The following NFATC1 variants were observed in gnomAD, a reference collection of about 807,000 sequenced individuals.
The protein encoded by NFATC1 is nuclear factor of activated T cells 1.
NFATC1 carries 22 observed loss-of-function variants against 76.0 expected under a neutral mutation model. That is an observed-to-expected ratio of 0.29 (90% CI 0.21 to 0.41). The LOEUF is 0.41. NFATC1 is among the 10% of genes least tolerant of loss of function. The probability of loss-of-function intolerance (pLI) is 1.00; values close to 1 mark genes in which losing one functional copy is unlikely to be tolerated. For missense variants in NFATC1, 1,357 were observed against 1,337.7 expected, an observed-to-expected ratio of 1.01 and a Z score of -0.23; for synonymous variants, 704 against 613.1, an observed-to-expected ratio of 1.15 and a Z score of -2.19.
intron 9 of NFATC1, among the ~76,000 whole-genome samples, chr18:79,511,793 G>A (rs1181048645): frequency 1.3e-5 from 2 of 152,150 alleles, no homozygotes; most frequent in African/African-American, 4.8e-5. Flanking sequence ...GAGGAGAGCT[G>A]CTGAAGCTCA....
chr18:79,468,256 C>G (rs866980779), intron 8 of NFATC1: 2 of 151,536 alleles, frequency 1.3e-5, no homozygotes, highest in Non-Finnish European at 2.9e-5. Context: ...TTTGTTTCTT[C>G]AGTCCCTGAA....
chr18:79,473,844 ACACT>A (rs1232790674), intron 8 of NFATC1, among the ~76,000 whole-genome samples: 262 of 130,410 alleles, frequency 2.0e-3, no homozygotes, highest in Middle Eastern at 6.0e-3. Flanking sequence ...GTGTGTTCTC[ACACT>A]CACTGTCAAC....
At chr18:79,486,222 TTTAA>T in intron 8 of NFATC1, 22 bp from the exon 9 acceptor site, 4 of 1,584,206 alleles carry the variant, frequency 2.5e-6, no homozygotes, top group Non-Finnish European at 3.4e-6. Flanking sequence ...CTTGTGTTTA[TTTAA>T]TTTTTTTTTT....
chr18:79,443,169 C>T (rs1024814192), intron 3 of NFATC1, among the ~76,000 whole-genome samples: 1 of 152,212 alleles, frequency 6.6e-6, no homozygotes, highest in Non-Finnish European at 1.5e-5. Context: ...GATCTGAACA[C>T]GATCTATGAA....
At chr18:79,429,080 G>A (rs1317094977) in intron 2 of NFATC1, among the ~76,000 whole-genome samples, 1 of 152,104 alleles carries the variant, frequency 6.6e-6, no homozygotes, top group African/African-American at 2.4e-5. Context: ...AAATTAGCCG[G>A]TGTGGTGGTG....
chr18:79,445,448 C>T (rs1258783902), intron 3 of NFATC1, among the ~76,000 whole-genome samples: 2 of 152,200 alleles, frequency 1.3e-5, no homozygotes, highest in Non-Finnish European at 2.9e-5. Context: ...TGGCCCCGGG[C>T]CCAGCCCTGA....
chr18:79,472,757 C>T (rs992292028), intron 8 of NFATC1, among the ~76,000 whole-genome samples: 3 of 152,216 alleles, frequency 2.0e-5, no homozygotes, highest in African/African-American at 7.2e-5. Flanking sequence ...CTTCCCTCAT[C>T]TGATCCTGCC....
intron 9 of NFATC1, among the ~76,000 whole-genome samples, chr18:79,506,202 C>T (rs2090117823): frequency 6.6e-6 from 1 of 152,142 alleles, no homozygotes; most frequent in Non-Finnish European, 1.5e-5. Flanking sequence ...GGGGTCTGAG[C>T]CTGTGGCGTG....
Position 79,511,751 on chromosome 18 carries a change from G to C in NFATC1, c.2783-15777G>C, listed in dbSNP as rs542740094. On this transcript the variant is annotated intron_variant, in intron 9 of 9. Transcript: ENST00000427363. ...CTGCGTGGTTTCGAGGCTCTCAGTG[G>C]GGGGCCAGCCGGTGAGGCACTGAGC... Among the ~76,000 whole-genome samples, 213 of 152,192 alleles carry C rather than the reference G, an allele frequency of 1.4e-3. 3 individuals are homozygous for C. The highest frequency in any genetic ancestry group is 8.0e-3 in the Admixed American group (122 of 15,300).
intron 8 of NFATC1, among the ~76,000 whole-genome samples, chr18:79,476,942 G>C (rs1454003816): frequency 6.6e-6 from 1 of 152,222 alleles, no homozygotes; most frequent in Non-Finnish European, 1.5e-5. Flanking sequence ...GAGTCGGTGA[G>C]AGAGCACAAA....
At position 79,451,213 on chromosome 18, in the gene NFATC1, G is replaced by C. The variant is rs375600112; in HGVS notation, c.1762+87G>C. On this transcript the variant is annotated intron_variant, in intron 5 of 9. Coordinates refer to ENST00000427363, the MANE Select transcript of NFATC1 (RefSeq NM_001278669.2). Reference sequence around the variant, plus strand: ...CTCACCCGCTCTCAGCTTTTCGTTCGTGTAGACTTGGGACTGAACGGTTCC... The same window carrying C: ...CTCACCCGCTCTCAGCTTTTCGTTCCTGTAGACTTGGGACTGAACGGTTCC... The C allele has an allele frequency of 6.8e-6, 10 of 1,472,398 alleles. No homozygotes were observed. The South Asian group carries it at 1.1e-4, about 17-fold the overall frequency. 91.2% of individuals were successfully genotyped at this position (1,472,398 alleles called of 1,614,324 possible). A position where few individuals can be genotyped will look rare whatever the true frequency, so the allele number is the denominator to read the frequency against.
Position 79,454,462 on chromosome 18 carries a change from A to G in NFATC1, c.1903+2646A>G, listed in dbSNP as rs1034281066. Among the ~76,000 whole-genome samples, 9 of 152,162 alleles carry G rather than the reference A, an allele frequency of 5.9e-5. 1 individual carries two copies. Among genetic ancestry groups the G allele is most frequent in the Admixed American group, 5.2e-4 (8 of 15,272 alleles). ...CTGGTGTTGGCCTCATGAGGAAGGG[A>G]GTCCCCGCAGCAGGGCTGCATTGCG... On this transcript the variant is annotated intron_variant, in intron 6 of 9. Transcript: ENST00000427363.
At chr18:79,483,221 C>T (rs1255839564) in intron 8 of NFATC1, among the ~76,000 whole-genome samples, 2 of 125,854 alleles carry the variant, frequency 1.6e-5, no homozygotes, top group African/African-American at 6.3e-5. Context: ...GTAATTCCAG[C>T]GTGACCTGGT....
chr18:79,513,858 A>T (rs983675737), intron 9 of NFATC1, among the ~76,000 whole-genome samples: 3 of 152,146 alleles, frequency 2.0e-5, no homozygotes, highest in African/African-American at 7.2e-5. Flanking sequence ...TGCCATGTGC[A>T]TGCCCACGTC....
chr18:79,479,406 C>T (rs1221434951), intron 8 of NFATC1, among the ~76,000 whole-genome samples: 2 of 152,240 alleles, frequency 1.3e-5, no homozygotes, highest in Non-Finnish European at 2.9e-5. Context: ...CCCAGGCGCT[C>T]TTGCAGACGC....
At chr18:79,419,019 CT>C (rs2148228305) in intron 2 of NFATC1, among the ~76,000 whole-genome samples, 2 of 152,242 alleles carry the variant, frequency 1.3e-5, no homozygotes, top group East Asian at 3.9e-4. Context: ...AACAACGTGG[CT>C]TTTTGCTCAG....
At chr18:79,425,180 T>TCTGTCTCTGTCTCTCTGTTTCTCTCC (rs749900103) in intron 2 of NFATC1, among the ~76,000 whole-genome samples, 2 of 94,284 alleles carry the variant, frequency 2.1e-5, no homozygotes, top group Non-Finnish European at 4.2e-5. Flanking sequence ...CATCTGTCTC[T>TCTGTCTCTGTCTCTCTGTTTCTCTCC]CTGTCTCTGT....
rs1019677382 is a variant in NFATC1 at position 79,453,599 on chromosome 18, C to A, written c.1903+1783C>A. Among the ~76,000 whole-genome samples the A allele has an allele frequency of 5.9e-5, 9 of 152,326 alleles. No homozygotes were observed. In the East Asian group the frequency reaches 1.7e-3, roughly 29 times the overall value. On this transcript the variant is annotated intron_variant, in intron 6 of 9. Coordinates refer to ENST00000427363, the MANE Select transcript of NFATC1 (RefSeq NM_001278669.2). ...GCCACAGCCACACTTCTGGGCAATG[C>A]CAGTTTGTCTGCCCATGTCCTCCTC...
intron 8 of NFATC1, among the ~76,000 whole-genome samples, chr18:79,482,779 A>G (rs1220287267): frequency 7.9e-6 from 1 of 126,752 alleles, no homozygotes; most frequent in Non-Finnish European, 1.6e-5. Context: ...GTGTAATTCC[A>G]GCGTGACCTG....
Sources: allele counts gnomAD v4.1 joint callset (sites outside exome capture counted in the v4.1 genomes callset), GRCh38; gene constraint gnomAD v4.1.1; transcripts MANE v1.5; gene names NCBI Gene and HGNC (gene_info 2026-07-23, HGNC 2026-07-21).